ARHGAP10: variants seen among roughly 807,000 people sequenced by gnomAD.
ARHGAP10 encodes the protein Rho GTPase activating protein 10, also known as rho GTPase-activating protein 10.
A neutral mutation model predicts 108.6 loss-of-function variants in ARHGAP10; 87 were observed. The ratio of observed to expected loss-of-function variants is 0.80; its 90% CI spans 0.67 to 0.96. The LOEUF (loss-of-function observed/expected upper bound fraction) is 0.96, where lower values mean the gene tolerates loss of function less well. Ranked by LOEUF, ARHGAP10 falls within the 40% of genes least tolerant of loss-of-function variation. The pLI is 0.00. For missense variants in ARHGAP10, 939 were observed against 954.5 expected (o/e 0.98, Z 0.21); for synonymous variants, 347 against 341.1 (o/e 1.02, Z -0.19).
At chr4:147,769,236 A>G (rs1045891990) in intron 1 of ARHGAP10, among the ~76,000 whole-genome samples, 1 of 152,194 alleles carries the variant, frequency 6.6e-6, no homozygotes, top group Non-Finnish European at 1.5e-5. Context: ...AGAAGAAGGA[A>G]AAATGAAGGT....
chr4:147,963,805 C>T (rs1485788685), intron 16 of ARHGAP10, among the ~76,000 whole-genome samples: 1 of 152,194 alleles, frequency 6.6e-6, no homozygotes, highest in African/African-American at 2.4e-5. Context: ...GCTGGCCGTC[C>T]TTAGTATCCC....
chr4:147,837,566 C>G (rs1022253057), intron 3 of ARHGAP10, among the ~76,000 whole-genome samples: 1 of 150,600 alleles, frequency 6.6e-6, no homozygotes, highest in Non-Finnish European at 1.5e-5. Flanking sequence ...AGCCTCACTG[C>G]CCTGTGGCTG....
intron 1 of ARHGAP10, among the ~76,000 whole-genome samples, chr4:147,781,685 T>C (rs1357420835): frequency 1.3e-5 from 2 of 149,834 alleles, no homozygotes; most frequent in Non-Finnish European, 3.0e-5. Flanking sequence ...TCTTTTCTTT[T>C]TTTTTTTTTT....
intron 4 of ARHGAP10, chr4:147,854,697 A>G: frequency 1.0e-6 from 1 of 983,882 alleles, no homozygotes; most frequent in Non-Finnish European, 1.2e-6. Context: ...ATATGAGCAC[A>G]AAGAAACAAT....
intron 1 of ARHGAP10, among the ~76,000 whole-genome samples, chr4:147,736,037 T>A (rs1465441314): frequency 1.3e-5 from 2 of 152,044 alleles, no homozygotes. Flanking sequence ...TTAGAGAAAA[T>A]TTTTTAAAAC....
intron 11 of ARHGAP10, 75 bp downstream of exon 11, chr4:147,906,794 G>A (rs1440571176): frequency 2.6e-6 from 4 of 1,564,924 alleles, no homozygotes; most frequent in Non-Finnish European, 3.5e-6. Context: ...TGTTATTTTT[G>A]TGTAGTATTT....
chr4:147,907,533 G>A (rs1736544704), intron 11 of ARHGAP10, among the ~76,000 whole-genome samples: 1 of 152,192 alleles, frequency 6.6e-6, no homozygotes, highest in Admixed American at 6.5e-5. Flanking sequence ...TGAAAGTAGA[G>A]GAGGGATCAT....
At chr4:147,873,570 A>G (rs1734927106) in intron 7 of ARHGAP10, among the ~76,000 whole-genome samples, 1 of 151,874 alleles carries the variant, frequency 6.6e-6, no homozygotes, top group South Asian at 2.1e-4. Flanking sequence ...TCATGCTTAT[A>G]ATCCCAACAG....
chr4:147,910,309 C>A (rs1455732166), intron 12 of ARHGAP10, among the ~76,000 whole-genome samples: 1 of 151,818 alleles, frequency 6.6e-6, no homozygotes, highest in East Asian at 1.9e-4. Context: ...AGGCGTGAGT[C>A]ACCTTGCCTG....
In ARHGAP10 at chr4:147,880,506, A is replaced by G. The variant is rs536190415; in HGVS notation, c.939+1168A>G. 3.3e-5 allele frequency among the ~76,000 whole-genome samples: 5 copies of G among 152,312 alleles called. No homozygotes were observed. The East Asian group carries it at 5.8e-4, about 18-fold the overall frequency. On this transcript the variant is annotated intron_variant, in intron 9 of 22. Coordinates refer to ENST00000336498, the MANE Select transcript of ARHGAP10 (RefSeq NM_024605.4). Reference sequence around the variant, plus strand: ...TCCTAAGATATTTCTGCTTAGTGATATCTTTCTGTTTTAGCCTCCAAATAA... The same window carrying G: ...TCCTAAGATATTTCTGCTTAGTGATGTCTTTCTGTTTTAGCCTCCAAATAA...
rs530354784 is a variant in ARHGAP10, at chr4:147,877,234, T to C, written c.833-1998T>C. 2.5e-4 allele frequency among the ~76,000 whole-genome samples: 36 copies of C among 143,172 alleles called. 1 individual carries two copies. Among genetic ancestry groups the C allele is most frequent in the Admixed American group, 4.4e-4 (6 of 13,712 alleles). The allele number at this position is 143,172 out of a possible 152,430, so 93.9% of individuals were successfully genotyped here. A position where few individuals can be genotyped will look rare whatever the true frequency, so the allele number is the denominator to read the frequency against. On this transcript the variant is annotated intron_variant, in intron 8 of 22. Transcript: ENST00000336498. ...CATCCTCTCTGGGCAGTTTTTTTTT[T>C]CTTAGAGTTAAATAAAATATCTGTG...
chr4:147,903,196 C>T (rs541949661), intron 10 of ARHGAP10, among the ~76,000 whole-genome samples: 46 of 152,150 alleles, frequency 3.0e-4, no homozygotes, highest in Non-Finnish European at 5.7e-4. Context: ...AGGCTCATGG[C>T]GCCAGTGAGG....
chr4:147,947,408 C>CT (rs758491483), intron 15 of ARHGAP10, among the ~76,000 whole-genome samples: 36 of 145,160 alleles, frequency 2.5e-4, no homozygotes, highest in Non-Finnish European at 3.2e-4. Flanking sequence ...AGGACCAGTT[C>CT]TTTTTTTTTT....
rs925497473 is a variant in ARHGAP10, at chr4:147,865,067, A to G, written c.597+111A>G. On this transcript the variant is annotated intron_variant, in intron 6 of 22. Coordinates refer to ENST00000336498, the MANE Select transcript of ARHGAP10 (RefSeq NM_024605.4). ...TTACTAGAGGCCATAGTGCATAAAC[A>G]TGAAAGAGACATATTAAAAAGGGCA... 16 of 906,146 alleles carry G rather than the reference A, an allele frequency of 1.8e-5. No individual in the cohort carries two copies. In the African/African-American group the frequency reaches 2.4e-4, roughly 13 times the overall value. The allele number at this position is 906,146 out of a possible 1,614,324, so 56.1% of individuals were successfully genotyped here.
chr4:147,953,034 T>C (rs111782587), intron 15 of ARHGAP10, among the ~76,000 whole-genome samples: 1 of 152,034 alleles, frequency 6.6e-6, no homozygotes, highest in African/African-American at 2.4e-5. Flanking sequence ...TCTATTGATA[T>C]GATCATACAG....
At chr4:147,842,368 TC>T (rs1331376127) in intron 3 of ARHGAP10, among the ~76,000 whole-genome samples, 1 of 152,218 alleles carries the variant, frequency 6.6e-6, no homozygotes, top group African/African-American at 2.4e-5. Context: ...GTAGCCTGGT[TC>T]TTTTGGTGGA....
intron 18 of ARHGAP10, among the ~76,000 whole-genome samples, chr4:147,970,532 G>T (rs1229239024): frequency 6.6e-6 from 1 of 152,008 alleles, no homozygotes; most frequent in African/African-American, 2.4e-5. Context: ...CGAGAAGGAA[G>T]TCATTTTCTT....
chr4:147,897,759 T>G (rs1430425238), intron 10 of ARHGAP10, among the ~76,000 whole-genome samples: 3 of 152,212 alleles, frequency 2.0e-5, no homozygotes, highest in Admixed American at 6.6e-5. Context: ...ATGACTACTT[T>G]TATTTTATGA....
chr4:147,815,882 G>A (rs1001960665), intron 1 of ARHGAP10, among the ~76,000 whole-genome samples: 1 of 152,090 alleles, frequency 6.6e-6, no homozygotes, highest in African/African-American at 2.4e-5. Context: ...CTTGATTTTA[G>A]CCCCATGAGA....
Sources: gnomAD v4.1 joint callset for allele counts (sites outside exome capture counted in the v4.1 genomes callset) on GRCh38, gnomAD v4.1.1 for gene constraint, MANE v1.5 for transcripts, NCBI Gene and HGNC (gene_info 2026-07-23, HGNC 2026-07-21) for gene names.